The following STOX2 variants were observed in gnomAD, a reference collection of about 807,000 sequenced individuals.
The protein encoded by STOX2 is storkhead-box protein 2.
STOX2 carries 28 observed loss-of-function variants against 60.9 expected under a neutral mutation model. The observed-to-expected ratio is 0.46, with a 90% CI of 0.34 to 0.63. STOX2 has a LOEUF of 0.63. Among genes scored for constraint, STOX2 ranks in the 30% least tolerant of loss-of-function variants. STOX2 has a pLI of 0.01. For missense variants in STOX2, 1,024 were observed against 1,187.7 expected, an observed-to-expected ratio of 0.86 and a Z score of 2.03; for synonymous variants, 472 against 463.9, an observed-to-expected ratio of 1.02 and a Z score of -0.22.
intron 1 of STOX2, among the ~76,000 whole-genome samples, chr4:183,921,267 TAAA>T (rs1405702870): frequency 6.6e-6 from 1 of 152,220 alleles, no homozygotes; most frequent in Non-Finnish European, 1.5e-5. Context: ...TGGTGTAAGA[TAAA>T]ATCAAGTTCA....
chr4:183,924,192 G>T (rs771340430), intron 1 of STOX2, among the ~76,000 whole-genome samples: 2 of 152,164 alleles, frequency 1.3e-5, no homozygotes, highest in Non-Finnish European at 2.9e-5. Context: ...AACCAGCGTT[G>T]CCTGTTCGTG....
At chr4:183,882,120 C>T (rs888079745) in intron 1 of STOX2, among the ~76,000 whole-genome samples, 1 of 152,202 alleles carries the variant, frequency 6.6e-6, no homozygotes, top group African/African-American at 2.4e-5. Context: ...GCTCACTGTT[C>T]TGGAAAATCA....
rs146408030 is a variant in STOX2, at chr4:183,892,334, A to T, written c.364+94279A>T. The stretch of plus-strand genomic sequence containing the variant: ...CGCTCTGTCGCCCAGGCTGGAGTGC[A>T]GTGGCGCGATCTCGGCTCACTGCAA... On this transcript the variant is annotated intron_variant, in intron 1 of 2. Transcript: ENST00000513034. 7.9e-3 allele frequency among the ~76,000 whole-genome samples: 1,205 copies of T among 152,138 alleles called. 18 individuals are homozygous for T. Among genetic ancestry groups the T allele is most frequent in the African/African-American group, 0.025 (1,054 of 41,406 alleles).
intron 1 of STOX2, among the ~76,000 whole-genome samples, chr4:183,871,391 ATCCTGATCTGCT>A (rs1193901680): frequency 6.6e-6 from 1 of 152,252 alleles, no homozygotes; most frequent in Admixed American, 6.5e-5. Context: ...AAAAGCAGGT[ATCCTGATCTGCT>A]TTCAGTACTA....
chr4:183,851,494 AAAGGATGAGG>A, intron 1 of STOX2, among the ~76,000 whole-genome samples: 3 of 54,948 alleles, frequency 5.5e-5, no homozygotes, highest in Admixed American at 1.5e-4. Context: ...AGGATGAGGG[AAAGGATGAGG>A]GAAAGGATGA....
chr4:183,933,786 T>A (rs965273835), intron 1 of STOX2, among the ~76,000 whole-genome samples: 1 of 152,182 alleles, frequency 6.6e-6, no homozygotes, highest in Non-Finnish European at 1.5e-5. Flanking sequence ...ATCTCCTGTT[T>A]TAAAGAGCAT....
At chr4:183,948,313 C>T (rs6847087) in intron 1 of STOX2, among the ~76,000 whole-genome samples, 112,724 of 150,070 alleles carry the variant, frequency 0.75, 43,600 homozygotes, top group Middle Eastern at 0.87. Flanking sequence ...AAAGAAGAAG[C>T]CAATAGAGAA....
chr4:183,967,997 C>A (rs1014072452), intron 1 of STOX2, among the ~76,000 whole-genome samples: 1 of 152,144 alleles, frequency 6.6e-6, no homozygotes, highest in Non-Finnish European at 1.5e-5. Flanking sequence ...TGAGTTCAAA[C>A]GCAAGTGTTA....
intron 1 of STOX2, among the ~76,000 whole-genome samples, chr4:183,876,444 A>G (rs1418135128): frequency 6.6e-6 from 1 of 152,220 alleles, no homozygotes; most frequent in Non-Finnish European, 1.5e-5. Flanking sequence ...ACGTAAGTGG[A>G]TGACGGATAG....
At chr4:183,883,876 G>A (rs909213795) in intron 1 of STOX2, among the ~76,000 whole-genome samples, 6 of 147,372 alleles carry the variant, frequency 4.1e-5, no homozygotes, top group Admixed American at 2.7e-4. Context: ...TTTTGAGATC[G>A]AGTCTTGCTC....
chr4:183,820,279 C>T (rs141405281), intron 1 of STOX2, among the ~76,000 whole-genome samples: 99 of 152,242 alleles, frequency 6.5e-4, no homozygotes, highest in Middle Eastern at 3.4e-3. Flanking sequence ...GGCTCATAAC[C>T]TGTTTGTGCA....
intron 1 of STOX2, among the ~76,000 whole-genome samples, chr4:184,000,794 A>G (rs1290505372): frequency 6.6e-6 from 1 of 152,232 alleles, no homozygotes; most frequent in East Asian, 1.9e-4. Context: ...CCTGCCACGC[A>G]GCATTGCGAA....
At position 184,018,786 on chromosome 4, in the gene STOX2, T is replaced by C. The variant is rs1734472782; in HGVS notation, c.*1502T>C. ...ACATTCCAACGTTCCCATGTTTTATTTTCTGAGAACAGTGGGACAGATCTG... is the reference window on the plus strand; with the variant it reads ...ACATTCCAACGTTCCCATGTTTTATCTTCTGAGAACAGTGGGACAGATCTG... On this transcript the variant is annotated 3_prime_UTR_variant, in exon 4 of 4. Transcript: ENST00000308497. The C allele has an allele frequency of 6.6e-6, 1 of 152,218 alleles. No homozygotes were observed. The highest frequency in any genetic ancestry group is 2.1e-4 in the South Asian group (1 of 4,834). The allele number at this position is 152,218 out of a possible 1,614,324, so 9.4% of individuals were successfully genotyped here.
At chr4:183,997,979 A>T (rs1273027645) in intron 1 of STOX2, among the ~76,000 whole-genome samples, 1 of 152,342 alleles carries the variant, frequency 6.6e-6, no homozygotes, top group African/African-American at 2.4e-5. Context: ...TTTCAGCTAA[A>T]CCCATAAGGA....
Position 184,009,648 on chromosome 4 carries a change from A to T in STOX2, c.810A>T (p.Leu270Phe). ...EKQSKKFGLKLFRLSFKKDKT... is the reference protein window; with the variant it reads ...EKQSKKFGLKFFRLSFKKDKT... ...AGTCAAAAAAATTCGGGCTAAAGTT[A>T]TTCCGGTTAAGTTTTAAAAAAGACA... Residue 270 changes from leucine to phenylalanine, a missense_variant, in exon 3 of 4, where the codon TTA becomes TTT. Leu to Phe is a conservative substitution (Grantham distance 22). Coordinates refer to ENST00000308497, the MANE Select transcript of STOX2 (RefSeq NM_020225.3). This position sits in a 1 kb window ranked among gnomAD's most constrained non-coding sequence, Gnocchi z 4.0. The T allele has an allele frequency of 1.2e-6, 2 of 1,613,886 alleles. No individual in the cohort carries two copies. Among genetic ancestry groups the T allele is most frequent in the Non-Finnish European group, 1.7e-6 (2 of 1,179,880 alleles).
At chr4:183,870,146 T>C (rs903512320) in intron 1 of STOX2, among the ~76,000 whole-genome samples, 1 of 152,264 alleles carries the variant, frequency 6.6e-6, no homozygotes, top group Non-Finnish European at 1.5e-5. Flanking sequence ...AGTCTCATAC[T>C]AGTATCTCCA....
rs1345798364 is a variant in STOX2, at chr4:183,937,171, C to T, written c.166+30215C>T. Among the ~76,000 whole-genome samples, 39 of 152,186 alleles carry T rather than the reference C, an allele frequency of 2.6e-4. 1 individual carries two copies. The highest frequency in any genetic ancestry group is 2.6e-3 in the Admixed American group (39 of 15,274). ...TGTGCCTTTCCTTTCCTGTGAGTCA[C>T]GGCCTACCTAAGAGAAAGCTTAGTA... On this transcript the variant is annotated intron_variant, in intron 1 of 3. Coordinates refer to ENST00000308497, the MANE Select transcript of STOX2 (RefSeq NM_020225.3).
chr4:183,950,981 C>A (rs866118808), intron 1 of STOX2, among the ~76,000 whole-genome samples: 3 of 151,836 alleles, frequency 2.0e-5, no homozygotes, highest in African/African-American at 7.3e-5. Flanking sequence ...TTTGGGAGGC[C>A]GAGGCGGGCG....
At chr4:183,838,414 CT>C (rs1178917510) in intron 1 of STOX2, among the ~76,000 whole-genome samples, 1 of 151,498 alleles carries the variant, frequency 6.6e-6, no homozygotes, top group Non-Finnish European at 1.5e-5. Context: ...ATAAACAATA[CT>C]TTTATGGGTG....
Sources: gnomAD v4.1 joint callset for allele counts (sites outside exome capture counted in the v4.1 genomes callset) on GRCh38, gnomAD v4.1.1 for gene constraint, Gnocchi (gnomAD v3.1) non-coding constraint, MANE v1.5 for transcripts, NCBI Gene and HGNC (gene_info 2026-07-23, HGNC 2026-07-21) for gene names.